The following HOMER2 variants were observed in gnomAD, a reference collection of about 807,000 sequenced individuals.
HOMER2 encodes the protein homer scaffold protein 2, also known as homer protein homolog 2.
Under a neutral mutation model 47.0 loss-of-function variants are expected in HOMER2, and 27 were observed. That is an observed-to-expected ratio of 0.57 (90% CI 0.42 to 0.79). The LOEUF (loss-of-function observed/expected upper bound fraction) is 0.79, where lower values mean the gene tolerates loss of function less well. Ranked by LOEUF, HOMER2 falls within the 30% of genes least tolerant of loss-of-function variation. The pLI, the probability that HOMER2 is intolerant of heterozygous loss-of-function variation, is 0.00. For synonymous variants in HOMER2, 161 were observed against 163.8 expected (o/e 0.98, Z 0.13); for missense variants, 443 against 435.0 (o/e 1.02, Z -0.16).
chr15:82,915,271 A>G (rs1190076522), intron 1 of HOMER2, among the ~76,000 whole-genome samples: 1 of 152,178 alleles, frequency 6.6e-6, no homozygotes, highest in Admixed American at 6.5e-5. Flanking sequence ...TGTTTATGTT[A>G]TCATAATATT....
rs576146765 is a variant in HOMER2 at position 82,849,707 on chromosome 15, G to A, written c.*8C>T. 9.3e-6 allele frequency: 15 copies of A among 1,610,874 alleles called. No homozygotes were observed. Among genetic ancestry groups the A allele is most frequent in the East Asian group, 4.5e-5 (2 of 44,796 alleles). On this transcript the variant is annotated 3_prime_UTR_variant, in exon 9 of 9. Transcript: ENST00000450735. ...GACTCACGGGCGGGGCCTGGGCCTC[G>A]GCCAGCCCTAGTTATCGGTGCCCAG...
At chr15:82,871,253 C>T (rs1212548735) in intron 3 of HOMER2, among the ~76,000 whole-genome samples, 1 of 152,168 alleles carries the variant, frequency 6.6e-6, no homozygotes, top group Non-Finnish European at 1.5e-5. Flanking sequence ...GCAGTTAAGA[C>T]CAAGGCATCT....
At position 82,904,082 on chromosome 15, in the gene HOMER2, A is replaced by G. The variant is rs557417263; in HGVS notation, c.6-11241T>C. On this transcript the variant is annotated intron_variant, in intron 1 of 8. Coordinates refer to ENST00000450735, the MANE Select transcript of HOMER2 (RefSeq NM_004839.4). ...GGCCCGGGAGGTGGAGGCTGCAGTG[A>G]GCCAAGATCACACCACTGCACTCCA... 2.6e-5 allele frequency among the ~76,000 whole-genome samples: 4 copies of G among 151,882 alleles called. No homozygotes were observed. The South Asian group carries it at 8.3e-4, about 32-fold the overall frequency.
chr15:82,965,861 G>A (rs1172995194), intron 1 of HOMER2, among the ~76,000 whole-genome samples: 2 of 151,954 alleles, frequency 1.3e-5, no homozygotes, highest in African/African-American at 2.4e-5. Context: ...TTTGGAGGCC[G>A]AGATGGGAGG....
At chr15:82,894,446 C>T (rs957896490) in intron 1 of HOMER2, among the ~76,000 whole-genome samples, 2 of 151,684 alleles carry the variant, frequency 1.3e-5, no homozygotes, top group Admixed American at 6.6e-5. Context: ...CCCATTGTTG[C>T]GGATCACGAG....
chr15:82,937,262 T>C (rs1361494399), intron 1 of HOMER2, among the ~76,000 whole-genome samples: 1 of 152,220 alleles, frequency 6.6e-6, no homozygotes, highest in Non-Finnish European at 1.5e-5. Context: ...TAAGACTTCA[T>C]GCTCTCACCT....
In HOMER2 at chr15:82,866,026, G is replaced by A. The variant is rs568660930; in HGVS notation, c.295-1767C>T. Among the ~76,000 whole-genome samples the A allele has an allele frequency of 2.0e-5, 3 of 152,244 alleles. No homozygotes were observed. The South Asian group carries it at 6.2e-4, about 32-fold the overall frequency. ...TGTCTAGTGGAGCTGTGAGAAGAGG[G>A]CCACCATCCTCCAGACCCCAGAATA... On this transcript the variant is annotated intron_variant, in intron 3 of 8. Coordinates refer to ENST00000450735, the MANE Select transcript of HOMER2 (RefSeq NM_004839.4).
chr15:82,834,981 C>T (rs1291649541), downstream of HOMER2: 1 of 152,160 alleles, frequency 6.6e-6, no homozygotes, highest in Non-Finnish European at 1.5e-5. Context: ...GCAGTCCGTT[C>T]ATTTCTCAGA....
At chr15:82,985,652 T>C (rs1410713277) in intron 1 of HOMER2, 1 of 152,198 alleles carries the variant, frequency 6.6e-6, no homozygotes, top group African/African-American at 2.4e-5. Flanking sequence ...TAAGTGTTTA[T>C]ACATTTGCTG....
At chr15:82,915,129 A>T (rs892287918) in intron 1 of HOMER2, among the ~76,000 whole-genome samples, 2 of 150,070 alleles carry the variant, frequency 1.3e-5, no homozygotes, top group Non-Finnish European at 2.9e-5. Flanking sequence ...AAATTTTTTC[A>T]ATTTTTTTTA....
chr15:82,963,572 GC>G (rs1222321609), intron 1 of HOMER2, among the ~76,000 whole-genome samples: 2 of 152,328 alleles, frequency 1.3e-5, no homozygotes, highest in Non-Finnish European at 2.9e-5. Flanking sequence ...AATCACACAG[GC>G]ATCCATTAAA....
intron 1 of HOMER2, among the ~76,000 whole-genome samples, chr15:82,946,850 T>G (rs995208693): frequency 2.0e-5 from 3 of 152,180 alleles, no homozygotes; most frequent in Non-Finnish European, 4.4e-5. Flanking sequence ...TGTGTAACCA[T>G]CAGTGTACCA....
At chr15:82,970,648 G>A (rs1465491524) in intron 1 of HOMER2, among the ~76,000 whole-genome samples, 1 of 152,108 alleles carries the variant, frequency 6.6e-6, no homozygotes, top group Admixed American at 6.5e-5. Flanking sequence ...CATTCATGTC[G>A]AATGTAAAGG....
chr15:82,904,030 G>T (rs746854508), intron 1 of HOMER2, among the ~76,000 whole-genome samples: 1 of 152,146 alleles, frequency 6.6e-6, no homozygotes, highest in African/African-American at 2.4e-5. Flanking sequence ...TCAGCTACTC[G>T]AGAGGCTGAG....
At chr15:82,928,518 G>T (rs1439316520) in intron 1 of HOMER2, among the ~76,000 whole-genome samples, 2 of 152,034 alleles carry the variant, frequency 1.3e-5, no homozygotes, top group African/African-American at 4.8e-5. Context: ...AGATTACCTA[G>T]AAGACTGCAA....
At chr15:82,975,626 G>A (rs965519413) in intron 1 of HOMER2, among the ~76,000 whole-genome samples, 2 of 152,190 alleles carry the variant, frequency 1.3e-5, no homozygotes, top group Non-Finnish European at 2.9e-5. Context: ...GACAAACATT[G>A]CATGTTCTCA....
intron 1 of HOMER2, among the ~76,000 whole-genome samples, chr15:82,941,590 GC>G (rs1221951301): frequency 6.6e-6 from 1 of 151,170 alleles, no homozygotes; most frequent in African/African-American, 2.4e-5. Flanking sequence ...TCCTCTCCAA[GC>G]CCACTGCTTG....
At chr15:82,854,531 T>C in intron 6 of HOMER2, 113 bp downstream of exon 6, 4 of 1,094,526 alleles carry the variant, frequency 3.7e-6, no homozygotes, top group Non-Finnish European at 5.1e-6. Context: ...AGTCTTCCTC[T>C]GGCCATGGGG....
upstream of HOMER2, chr15:82,952,786 C>A (rs965846310): frequency 2.5e-5 from 21 of 850,386 alleles, no homozygotes; most frequent in Middle Eastern, 5.9e-4. Flanking sequence ...GCCGCTACCC[C>A]CGCCCGGCTC....
Sources: gnomAD v4.1 joint callset for allele counts (sites outside exome capture counted in the v4.1 genomes callset) on GRCh38, gnomAD v4.1.1 for gene constraint, MANE v1.5 for transcripts, NCBI Gene and HGNC (gene_info 2026-07-23, HGNC 2026-07-21) for gene names.